The following SDCBP2 variants were observed in gnomAD, a reference collection of about 807,000 sequenced individuals.
SDCBP2 encodes syndecan binding protein 2.
Under a neutral mutation model 30.7 loss-of-function variants are expected in SDCBP2, and 28 were observed. That is an observed-to-expected ratio of 0.91 (90% CI 0.68 to 1.25). The LOEUF (loss-of-function observed/expected upper bound fraction) is 1.25, where lower values mean the gene tolerates loss of function less well. Among genes scored for constraint, SDCBP2 ranks in the 50% most tolerant of loss-of-function variants. SDCBP2 has a pLI of 0.00. For missense variants in SDCBP2, 399 were observed against 379.0 expected, an observed-to-expected ratio of 1.05 and a Z score of -0.44; for synonymous variants, 166 against 157.3, an observed-to-expected ratio of 1.06 and a Z score of -0.41.
chr20:1,327,917 A>G (rs2088952780), intron 1 of SDCBP2, among the ~76,000 whole-genome samples: 1 of 152,242 alleles, frequency 6.6e-6, no homozygotes, highest in Admixed American at 6.5e-5. Flanking sequence ...CCCCAAATGT[A>G]CTTTCTTTGG....
chr20:1,321,949 A>G lies in SDCBP2; in HGVS notation c.-19-1514T>C, dbSNP rs566757038. The G allele has an allele frequency of 3.6e-4, 55 of 152,334 alleles. No individual in the cohort carries two copies. Among genetic ancestry groups the G allele is most frequent in the African/African-American group, 1.3e-3 (53 of 41,570 alleles). The allele number at this position is 152,334 out of a possible 1,614,324, so 9.4% of individuals were successfully genotyped here. On this transcript the variant is annotated intron_variant, in intron 1 of 8. Coordinates refer to ENST00000360779, the MANE Select transcript of SDCBP2 (RefSeq NM_080489.5). The surrounding 1 kb of genome is among the most constrained non-coding windows in gnomAD (Gnocchi z 5.2). Reference sequence around the variant, plus strand: ...AGCAGACTCCAGGGTGACCCAGTCCACCATCCTCTATTGGCTGTTACACCC... The same window carrying G: ...AGCAGACTCCAGGGTGACCCAGTCCGCCATCCTCTATTGGCTGTTACACCC...
intron 5 of SDCBP2, 95 bp from the exon 6 acceptor site, chr20:1,312,857 A>G (rs1264167880): frequency 7.4e-7 from 1 of 1,347,232 alleles, no homozygotes. Flanking sequence ...TACTCCAGGA[A>G]CCTACAGGGT....
intron 1 of SDCBP2, among the ~76,000 whole-genome samples, chr20:1,327,892 G>A (rs1327062147): frequency 1.3e-5 from 2 of 152,254 alleles, no homozygotes; most frequent in Admixed American, 1.3e-4. Context: ...AGCAGTGAAG[G>A]AAAGAAGACT....
intron 8 of SDCBP2, 75 bp from the exon 9 acceptor site, chr20:1,310,570 A>G (rs2088647369): frequency 7.1e-7 from 1 of 1,416,256 alleles, no homozygotes; most frequent in Non-Finnish European, 9.8e-7. Context: ...CCCCCTTCCG[A>G]GCCAGTGCAT....
intron 5 of SDCBP2, 117 bp from the exon 6 acceptor site, chr20:1,312,879 A>G (rs2088700548): frequency 8.7e-7 from 1 of 1,152,844 alleles, no homozygotes; most frequent in African/African-American, 1.5e-5. Flanking sequence ...CCAGGGACAC[A>G]GCTCTGCATG....
At chr20:1,318,288 G>T (rs201233653) in intron 4 of SDCBP2, 30 bp downstream of exon 4, 3 of 1,463,604 alleles carry the variant, frequency 2.0e-6, no homozygotes, top group South Asian at 1.1e-5. Flanking sequence ...GAGGTTCTGC[G>T]CCCGCAGCAG....
In SDCBP2 at chr20:1,312,413, C is replaced by A; in HGVS notation, c.656G>T (p.Ser219Ile). 6.2e-7 allele frequency: 1 copy of A among 1,613,964 alleles called. No individual in the cohort carries two copies. Among genetic ancestry groups the A allele is most frequent in the Non-Finnish European group, 8.5e-7 (1 of 1,179,922 alleles). The part of the protein sequence containing the change: ...KGKIVSLVKG[S>I]SAARNGLLTN... Reference sequence around the variant, plus strand: ...GAGGAGCCCGTTGCGGGCCGCAGAACTCCCTTTGACCAGAGAGACAATCTT... The same window carrying A: ...GAGGAGCCCGTTGCGGGCCGCAGAAATCCCTTTGACCAGAGAGACAATCTT... Residue 219 changes from serine to isoleucine, a missense_variant, in exon 7 of 9, where the codon AGT becomes ATT. Ser to Ile is a moderately radical substitution (Grantham distance 142, BLOSUM62 -2). Coordinates refer to ENST00000360779, the MANE Select transcript of SDCBP2 (RefSeq NM_080489.5).
intron 7 of SDCBP2, among the ~76,000 whole-genome samples, chr20:1,311,942 C>G (rs1318326528): frequency 3.1e-5 from 4 of 127,014 alleles, no homozygotes; most frequent in Non-Finnish European, 4.7e-5. Flanking sequence ...CTCTGTTGCC[C>G]AGGCTGGAGT....
In SDCBP2 at chr20:1,310,413, C is replaced by T. The variant is rs762020475; in HGVS notation, c.*28G>A. The T allele has an allele frequency of 9.9e-6, 16 of 1,611,286 alleles. No individual in the cohort carries two copies. The South Asian group carries it at 1.6e-4, about 17-fold the overall frequency. Reference sequence around the variant, plus strand: ...TTTGCTGCAGGAGGGCGGGAAGCCCCCCCTGCCTGCCCTGCCCTGCAGTGG... The same window carrying T: ...TTTGCTGCAGGAGGGCGGGAAGCCCTCCCTGCCTGCCCTGCCCTGCAGTGG... On this transcript the variant is annotated 3_prime_UTR_variant, in exon 9 of 9. Transcript: ENST00000360779.
At position 1,313,529 on chromosome 20, in the gene SDCBP2, C is replaced by A. The variant is rs1568559651; in HGVS notation, c.226-31G>T. On this transcript the variant is annotated intron_variant, in intron 4 of 8. Coordinates refer to ENST00000360779, the MANE Select transcript of SDCBP2 (RefSeq NM_080489.5). The surrounding 1 kb of genome is among the most constrained non-coding windows in gnomAD (Gnocchi z 5.2). ...GACACCAGGGGGCAGGGGGTCAGCC[C>A]GGCCCGTGGGGACCCTGTGCCTCAG... The A allele has an allele frequency of 2.6e-6, 4 of 1,546,448 alleles. No homozygotes were observed. The highest frequency in any genetic ancestry group is 1.9e-5 in the Admixed American group (1 of 53,838).
chr20:1,313,181 G>T lies in SDCBP2; in HGVS notation c.384+159C>A. On this transcript the variant is annotated intron_variant, in intron 5 of 8. Coordinates refer to ENST00000360779, the MANE Select transcript of SDCBP2 (RefSeq NM_080489.5). The surrounding 1 kb of genome is among the most constrained non-coding windows in gnomAD (Gnocchi z 5.2). ...GCAACCCAGCACCAGCCCCGCCCGG[G>T]TCTCGGGGAGGAGGGACTGGGGGCA... 1.3e-6 allele frequency: 1 copy of T among 776,408 alleles called. No homozygotes were observed. Among genetic ancestry groups the T allele is most frequent in the East Asian group, 2.7e-5 (1 of 36,740 alleles). 48.1% of individuals were successfully genotyped at this position (776,408 alleles called of 1,614,324 possible).
chr20:1,311,137 C>G (rs777233967), intron 7 of SDCBP2: 7 of 445,066 alleles, frequency 1.6e-5, no homozygotes, highest in Non-Finnish European at 2.4e-5. Context: ...ATGAGCATGC[C>G]TCTTCCCACC....
chr20:1,310,569 G>C (rs955361629), intron 8 of SDCBP2, 74 bp from the exon 9 acceptor site: 1 of 1,419,270 alleles, frequency 7.0e-7, no homozygotes, highest in African/African-American at 1.4e-5. Flanking sequence ...ACCCCCTTCC[G>C]AGCCAGTGCA....
chr20:1,325,826 T>C (rs907421109), intron 1 of SDCBP2: 4 of 152,158 alleles, frequency 2.6e-5, no homozygotes, highest in Non-Finnish European at 5.9e-5. Flanking sequence ...CCCCCGTTTC[T>C]CACCCGTTTC....
intron 1 of SDCBP2, chr20:1,323,162 A>C (rs2088870684): frequency 6.6e-6 from 1 of 152,160 alleles, no homozygotes; most frequent in Non-Finnish European, 1.5e-5. Flanking sequence ...GGTAGAAATG[A>C]CCATCCCAAC....
chr20:1,318,099 C>A lies in SDCBP2; in HGVS notation c.225+219G>T, dbSNP rs1334929521. 7 of 587,008 alleles carry A rather than the reference C, an allele frequency of 1.2e-5. No homozygotes were observed. The East Asian group carries it at 2.6e-4, about 21-fold the overall frequency. The allele number at this position is 587,008 out of a possible 1,614,324, so 36.4% of individuals were successfully genotyped here. ...CAAAGGGCAAGCCCTGGTTCTCCATCCCCAAGGCTTGTGGGAAGATCTGAA... is the reference window on the plus strand; with the variant it reads ...CAAAGGGCAAGCCCTGGTTCTCCATACCCAAGGCTTGTGGGAAGATCTGAA... On this transcript the variant is annotated intron_variant, in intron 4 of 8. Coordinates refer to ENST00000360779, the MANE Select transcript of SDCBP2 (RefSeq NM_080489.5).
At chr20:1,327,005 A>G (rs558235911) in intron 1 of SDCBP2, among the ~76,000 whole-genome samples, 2 of 152,322 alleles carry the variant, frequency 1.3e-5, no homozygotes, top group East Asian at 3.9e-4. Flanking sequence ...GAGAGAAACC[A>G]TGGCCCTAAC....
Position 1,312,395 on chromosome 20 carries a change from C to A in SDCBP2, c.674G>T (p.Gly225Val), listed in dbSNP as rs141582918. ...LVKGSSAARN[G>V]LLTNHYVCEV... ...ACACACGTAGTGGTTGGTGAGGAGC[C>A]CGTTGCGGGCCGCAGAACTCCCTTT... Residue 225 changes from glycine (G) to valine (V), a missense_variant, in exon 7 of 9, where the codon GGG (glycine) becomes GTG (valine). By Grantham distance (109) the Gly-to-Val change is moderately radical. Transcript: ENST00000360779. 1.0e-4 allele frequency: 166 copies of A among 1,613,330 alleles called. No individual in the cohort carries two copies. The highest frequency in any genetic ancestry group is 1.3e-4 in the Non-Finnish European group (159 of 1,179,722).
At chr20:1,328,243 G>C (rs1443462622) in intron 1 of SDCBP2, among the ~76,000 whole-genome samples, 1 of 152,140 alleles carries the variant, frequency 6.6e-6, no homozygotes. Flanking sequence ...GGAGGTCATG[G>C]TGAGGACTTT....
Sources: gnomAD v4.1 joint callset for allele counts (sites outside exome capture counted in the v4.1 genomes callset) on GRCh38, gnomAD v4.1.1 for gene constraint, Gnocchi (gnomAD v3.1) non-coding constraint, MANE v1.5 for transcripts, NCBI Gene and HGNC (gene_info 2026-07-23, HGNC 2026-07-21) for gene names.